PLS3: variants seen among roughly 807,000 people sequenced by gnomAD.
PLS3 encodes plastin 3, also known as plastin-3.
PLS3 carries 11 observed loss-of-function variants against 46.5 expected under a neutral mutation model. That is an observed-to-expected ratio of 0.24 (90% CI 0.15 to 0.39). The LOEUF is 0.39. PLS3 is among the 10% of genes least tolerant of loss of function. The pLI is 1.00. For missense variants in PLS3, 308 were observed against 461.8 expected, an observed-to-expected ratio of 0.67 and a Z score of 3.05; for synonymous variants, 167 against 162.2, an observed-to-expected ratio of 1.03 and a Z score of -0.22.
chrX:115,645,556 G>A (rs10218219), intron 11 of PLS3, among the ~76,000 whole-genome samples: 12,915 of 110,654 alleles, frequency 0.12, 1,168 homozygotes, highest in African/African-American at 0.31. Context: ...ACAACTCAGG[G>A]ACTTTGGTTC....
At chrX:115,586,614 G>A (rs953985846) in intron 1 of PLS3, among the ~76,000 whole-genome samples, 16 of 106,931 alleles carry the variant, frequency 1.5e-4, no homozygotes, top group African/African-American at 5.5e-4. Flanking sequence ...GGGAGGGGGA[G>A]GTTGCAGTGA....
At position 115,635,048 on chromosome X, in the gene PLS3, TA is replaced by T. The variant is rs782212189; in HGVS notation, c.748+4del. 5 of 1,197,385 alleles carry T rather than the reference TA, an allele frequency of 4.2e-6. No individual in the cohort carries two copies. The Admixed American group carries it at 9.0e-5, about 21-fold the overall frequency. On this transcript the variant is annotated splice_donor_region_variant and intron_variant, in intron 7 of 15. Transcript: ENST00000355899. ...ACATTGAATTAAGCAGGAATGAAGG[TA>T]ATGGAACACAGTCATTCTGGCAGTT...
In PLS3 at chrX:115,647,634, G is replaced by A. The variant is rs372389185; in HGVS notation, c.1596G>A (p.Leu532=). 13 of 1,203,873 alleles carry A rather than the reference G, an allele frequency of 1.1e-5. No homozygotes were observed. In the African/African-American group the frequency reaches 2.3e-4, roughly 21 times the overall value. The change falls in exon 14 of 16, where the codon TTG becomes TTA. Residue 532 remains leucine (L), a synonymous_variant. Transcript: ENST00000355899. ...TTGTGAACTGGGTGAACAGAACGTT[G>A]AGTGAAGCTGGAAAATCAACTTCCA... ...DIIVNWVNRT[L]SEAGKSTSIQ... is the part of the protein sequence containing the mutation.
At chrX:115,635,138 A>G in intron 7 of PLS3, 92 bp downstream of exon 7, 1 of 736,173 alleles carries the variant, frequency 1.4e-6, no homozygotes, top group Non-Finnish European at 2.0e-6. Flanking sequence ...GAGGTGATTA[A>G]ATGGTGGTAA....
In PLS3 at chrX:115,647,556, C is replaced by A. The variant is rs35525703; in HGVS notation, c.1518C>A (p.Thr506=). ...ALVWQLMRRY[T]LNVLEDLGDG... is the part of the protein sequence containing the mutation. Reference sequence around the variant, plus strand: ...CTTCTGCTGCCTCTCTTAGATATACCCTCAATGTCCTGGAAGATCTTGGAG... The same window carrying A: ...CTTCTGCTGCCTCTCTTAGATATACACTCAATGTCCTGGAAGATCTTGGAG... The change falls in exon 14 of 16, where the codon ACC becomes ACA. Residue 506 remains threonine (T), a synonymous_variant. Transcript: ENST00000355899. The A allele has an allele frequency of 3.0e-5, 36 of 1,203,727 alleles. No individual in the cohort carries two copies. In the African/African-American group the frequency reaches 4.5e-4, roughly 15 times the overall value.
chrX:115,604,595 C>T (rs781865827), intron 1 of PLS3, among the ~76,000 whole-genome samples: 3 of 111,837 alleles, frequency 2.7e-5, no homozygotes, highest in South Asian at 7.5e-4. Flanking sequence ...TTAAAACATA[C>T]TACAACCTTG....
In PLS3 at chrX:115,643,560, T is replaced by C. The variant is rs781889974; in HGVS notation, c.1183+52T>C. Reference sequence around the variant, plus strand: ...TGTGGGACTATAGAGTAGAAATACATAGGCCACAATGATTTTACAATCTAG... The same window carrying C: ...TGTGGGACTATAGAGTAGAAATACACAGGCCACAATGATTTTACAATCTAG... On this transcript the variant is annotated intron_variant, in intron 10 of 15. Coordinates refer to ENST00000355899, the MANE Select transcript of PLS3 (RefSeq NM_005032.7). 20 of 668,578 alleles carry C rather than the reference T, an allele frequency of 3.0e-5. No homozygotes were observed. The East Asian group carries it at 5.3e-4, about 18-fold the overall frequency. The allele number at this position is 668,578 out of a possible 1,213,427, so 55.1% of individuals were successfully genotyped here.
chrX:115,621,791 A>G (rs1481023809), intron 2 of PLS3, among the ~76,000 whole-genome samples: 1 of 112,124 alleles, frequency 8.9e-6, no homozygotes, highest in Non-Finnish European at 1.9e-5. Flanking sequence ...GCTTAATTTC[A>G]GGTGTACTTT....
At chrX:115,645,969 A>G in intron 11 of PLS3, 103 bp from the exon 12 acceptor site, 1 of 498,408 alleles carries the variant, frequency 2.0e-6, no homozygotes, top group Non-Finnish European at 3.6e-6. Context: ...GGTATTATTT[A>G]TGGTTTTATA....
At chrX:115,583,002 C>T (rs782726131) in intron 1 of PLS3, among the ~76,000 whole-genome samples, 2 of 111,209 alleles carry the variant, frequency 1.8e-5, no homozygotes, top group East Asian at 2.8e-4. Context: ...GATTGCACCA[C>T]GGCACTCAGC....
rs782342733 is a variant in PLS3, at chrX:115,622,458, G to A, written c.237+49G>A. 177 of 808,279 alleles carry A rather than the reference G, an allele frequency of 2.2e-4. 14 individuals carry two copies. Among genetic ancestry groups the A allele is most frequent in the Admixed American group, 1.0e-4 (4 of 40,090 alleles). 66.6% of individuals were successfully genotyped at this position (808,279 alleles called of 1,213,427 possible). On this transcript the variant is annotated intron_variant, in intron 3 of 15. Transcript: ENST00000355899. ...TATTAGAAGTAGTAGATGTTCCCTC[G>A]TCTAGTGGGATGTTATAGTATTAAG...
intron 15 of PLS3, among the ~76,000 whole-genome samples, chrX:115,649,125 G>C (rs1351944845): frequency 9.0e-6 from 1 of 111,487 alleles, no homozygotes; most frequent in African/African-American, 3.3e-5. Flanking sequence ...GGATTGTATA[G>C]ACAGCCTAGG....
chrX:115,598,110 G>A (rs782099563), intron 1 of PLS3, among the ~76,000 whole-genome samples: 25 of 109,305 alleles, frequency 2.3e-4, no homozygotes, highest in African/African-American at 7.7e-4. Context: ...AGACCAACCT[G>A]GAGAACATGG....
intron 1 of PLS3, among the ~76,000 whole-genome samples, chrX:115,576,358 C>T (rs2074248703): frequency 9.0e-6 from 1 of 110,991 alleles, no homozygotes; most frequent in Non-Finnish European, 1.9e-5. Context: ...CACTTGAGCT[C>T]AGGAGTTTGA....
At chrX:115,567,507 C>CT (rs1322432401) in intron 1 of PLS3, among the ~76,000 whole-genome samples, 1 of 110,009 alleles carries the variant, frequency 9.1e-6, no homozygotes, top group Non-Finnish European at 1.9e-5. Context: ...GGGAGGATTG[C>CT]TTGAGCCTGG....
At chrX:115,575,053 C>T (rs2074239640) in intron 1 of PLS3, among the ~76,000 whole-genome samples, 2 of 111,803 alleles carry the variant, frequency 1.8e-5, no homozygotes, top group South Asian at 7.5e-4. Context: ...TTTCCTGTCT[C>T]CATTGAGTTC....
chrX:115,623,862 T>C (rs1471440296), intron 3 of PLS3, among the ~76,000 whole-genome samples: 1 of 112,199 alleles, frequency 8.9e-6, no homozygotes, highest in Non-Finnish European at 1.9e-5. Flanking sequence ...TAGAACACTG[T>C]AGTAGTCCAA....
chrX:115,630,815 T>C (rs111606966), intron 5 of PLS3, among the ~76,000 whole-genome samples: 8 of 93,402 alleles, frequency 8.6e-5, no homozygotes, highest in African/African-American at 3.2e-4. Context: ...ATGTATAATA[T>C]ATATAATACA....
chrX:115,575,264 T>G (rs1385800163), intron 1 of PLS3, among the ~76,000 whole-genome samples: 5 of 111,845 alleles, frequency 4.5e-5, no homozygotes, highest in African/African-American at 1.3e-4. Flanking sequence ...TATTTGGGGT[T>G]GTTTCTACAC....
Sources: allele counts gnomAD v4.1 joint callset (sites outside exome capture counted in the v4.1 genomes callset), GRCh38; gene constraint gnomAD v4.1.1; transcripts MANE v1.5; gene names NCBI Gene and HGNC (gene_info 2026-07-23, HGNC 2026-07-21).